DDX10: variants seen among roughly 807,000 people sequenced by gnomAD.
DDX10 encodes DEAD-box helicase 10, also known as probable ATP-dependent RNA helicase DDX10.
In DDX10, 74 loss-of-function variants were observed where a neutral mutation model predicts 104.3. The ratio of observed to expected loss-of-function variants is 0.71; its 90% confidence interval spans 0.59 to 0.86. The LOEUF is 0.86. Ranked by LOEUF, DDX10 falls within the 40% of genes least tolerant of loss-of-function variation. The probability of loss-of-function intolerance (pLI) is 0.00; values close to 1 mark genes in which losing one functional copy is unlikely to be tolerated. For missense variants in DDX10, 952 were observed against 1,040.0 expected (o/e 0.92, Z 1.16); for synonymous variants, 351 against 353.4 (o/e 0.99, Z 0.08).
rs973160081 is a variant in DDX10 at position 108,887,352 on chromosome 11, A to T, written c.2305-30521A>T. Among the ~76,000 whole-genome samples the T allele has an allele frequency of 7.9e-5, 12 of 152,184 alleles. No individual in the cohort carries two copies. The South Asian group carries it at 2.3e-3, about 29-fold the overall frequency. On this transcript the variant is annotated intron_variant, in intron 16 of 17. Transcript: ENST00000322536. The stretch of plus-strand genomic sequence containing the variant: ...ACAGAAAAGTAAGCATTCTTTTTTT[A>T]AAAAACCTTAGAAATACTTTTTTCT...
At chr11:108,697,670 G>A (rs2094261785) in intron 9 of DDX10, among the ~76,000 whole-genome samples, 1 of 152,104 alleles carries the variant, frequency 6.6e-6, no homozygotes, top group Admixed American at 6.6e-5. Context: ...AGATAAGTGA[G>A]GCCAGGTATA....
intron 3 of DDX10, among the ~76,000 whole-genome samples, chr11:108,676,662 G>A (rs192929054): frequency 3.9e-5 from 6 of 152,260 alleles, no homozygotes; most frequent in Non-Finnish European, 8.8e-5. Context: ...GGTCAGGCTG[G>A]TCTTGAACTC....
chr11:108,922,243 C>CAAAAAAAAAAAAAAAAAAAAAAAAA (rs3030537), intron 17 of DDX10: 2 of 79,320 alleles, frequency 2.5e-5, no homozygotes, highest in African/African-American at 5.5e-5. Context: ...GACTCCATCT[C>CAAAAAAAAAAAAAAAAAAAAAAAAA]AAAAAAAAAA....
intron 14 of DDX10, among the ~76,000 whole-genome samples, chr11:108,840,616 G>A (rs980763520): frequency 6.6e-6 from 1 of 152,134 alleles, no homozygotes; most frequent in Non-Finnish European, 1.5e-5. Flanking sequence ...CATCTTCTAG[G>A]TCACCTTGTT....
At position 108,940,390 on chromosome 11, in the gene DDX10, G is replaced by A; in HGVS notation, c.2595G>A (p.Glu865=). ...DTGLSLAEDE[E]LVLHLLRSQS is the part of the protein sequence containing the mutation. ...GCCTGTCTTTAGCAGAGGATGAAGA[G>A]CTGGTGTTACATCTGCTAAGAAGTC... The change falls in exon 18 of 18, where the codon GAG becomes GAA. Residue 865 remains glutamate, a synonymous_variant. Transcript: ENST00000322536. The A allele has an allele frequency of 6.2e-7, 1 of 1,613,912 alleles. No homozygotes were observed. The highest frequency in any genetic ancestry group is 8.5e-7 in the Non-Finnish European group (1 of 1,179,956).
chr11:108,938,965 T>A, intron 17 of DDX10, among the ~76,000 whole-genome samples: 1 of 152,344 alleles, frequency 6.6e-6, no homozygotes, highest in East Asian at 1.9e-4. Flanking sequence ...AATGTAATAT[T>A]TCTGTGATTT....
intron 13 of DDX10, among the ~76,000 whole-genome samples, chr11:108,827,487 A>G (rs1039359556): frequency 2.0e-5 from 3 of 152,252 alleles, no homozygotes; most frequent in East Asian, 1.9e-4. Context: ...ACTTATGCAT[A>G]TGGTCAAGGT....
At chr11:108,847,013 G>A (rs527947583) in intron 15 of DDX10, among the ~76,000 whole-genome samples, 4 of 152,246 alleles carry the variant, frequency 2.6e-5, no homozygotes, top group South Asian at 2.1e-4. Context: ...TTTAAGCACC[G>A]CTTTCTTATG....
At chr11:108,778,967 C>T (rs554415547) in intron 13 of DDX10, among the ~76,000 whole-genome samples, 27 of 152,302 alleles carry the variant, frequency 1.8e-4, no homozygotes, top group African/African-American at 5.8e-4. Flanking sequence ...CAGAGAAATG[C>T]AAATCAAAAC....
chr11:108,740,648 G>C (rs1035388712), intron 13 of DDX10, among the ~76,000 whole-genome samples: 2 of 151,752 alleles, frequency 1.3e-5, no homozygotes, highest in Non-Finnish European at 2.9e-5. Flanking sequence ...GCCAGTGTCT[G>C]TTATTTTTTT....
chr11:108,789,780 G>T (rs1377980024), intron 13 of DDX10, among the ~76,000 whole-genome samples: 1 of 152,176 alleles, frequency 6.6e-6, no homozygotes, highest in Non-Finnish European at 1.5e-5. Flanking sequence ...CTTACATGAT[G>T]AGAAACCTGG....
intron 13 of DDX10, among the ~76,000 whole-genome samples, chr11:108,823,387 A>G (rs183361059): frequency 6.6e-6 from 1 of 152,324 alleles, no homozygotes; most frequent in Admixed American, 6.5e-5. Flanking sequence ...TTCTGTTAAC[A>G]TACAGCCCAT....
intron 13 of DDX10, among the ~76,000 whole-genome samples, chr11:108,723,995 C>A (rs571151389): frequency 2.6e-5 from 4 of 152,172 alleles, no homozygotes; most frequent in Admixed American, 2.6e-4. Flanking sequence ...TTCTCCGTAG[C>A]CATCTTCTAG....
At chr11:108,913,953 T>G (rs989740337) in intron 16 of DDX10, among the ~76,000 whole-genome samples, 1 of 152,198 alleles carries the variant, frequency 6.6e-6, no homozygotes, top group Non-Finnish European at 1.5e-5. Context: ...GTCATTGTCA[T>G]GAATTGACTG....
At chr11:108,892,518 G>T (rs970409295) in intron 16 of DDX10, among the ~76,000 whole-genome samples, 1 of 152,056 alleles carries the variant, frequency 6.6e-6, no homozygotes, top group Non-Finnish European at 1.5e-5. Context: ...AACCTCATTT[G>T]TTGATGTTTT....
intron 13 of DDX10, among the ~76,000 whole-genome samples, chr11:108,813,231 T>C (rs1001048251): frequency 5.3e-5 from 8 of 152,180 alleles, no homozygotes; most frequent in African/African-American, 1.9e-4. Context: ...TATTGTAAAT[T>C]GCACTAATTC....
intron 17 of DDX10, among the ~76,000 whole-genome samples, chr11:108,934,060 GAAGTGTGCAC>G (rs754175764): frequency 7.0e-4 from 106 of 152,314 alleles, no homozygotes; most frequent in Admixed American, 1.4e-3. Context: ...TGGTGCGATG[GAAGTGTGCAC>G]AATGTGAGGG....
At chr11:108,756,028 A>C (rs2094344064) in intron 13 of DDX10, among the ~76,000 whole-genome samples, 1 of 151,766 alleles carries the variant, frequency 6.6e-6, no homozygotes, top group African/African-American at 2.4e-5. Flanking sequence ...AAAAGGTAAA[A>C]GGAAATATTC....
chr11:108,890,517 C>T (rs773389054), intron 16 of DDX10, among the ~76,000 whole-genome samples: 10 of 151,542 alleles, frequency 6.6e-5, no homozygotes, highest in Non-Finnish European at 1.2e-4. Context: ...CTTTTTCCCC[C>T]ATTGCTTCAA....
Sources: allele counts gnomAD v4.1 joint callset (sites outside exome capture counted in the v4.1 genomes callset), GRCh38; gene constraint gnomAD v4.1.1; transcripts MANE v1.5; gene names NCBI Gene and HGNC (gene_info 2026-07-23, HGNC 2026-07-21).